SLC25A48: variants seen among roughly 807,000 people sequenced by gnomAD.
SLC25A48 encodes CTC-321K16.1.
In SLC25A48, 29 loss-of-function variants were observed where a neutral mutation model predicts 32.2. The ratio of observed to expected loss-of-function variants is 0.90; its 90% CI spans 0.67 to 1.23. SLC25A48 has a LOEUF of 1.23. Among genes scored for constraint, SLC25A48 ranks in the 50% most tolerant of loss-of-function variants. The pLI is 0.00. For synonymous variants in SLC25A48, 164 were observed against 172.3 expected (o/e 0.95, Z 0.38); for missense variants, 399 against 422.7 (o/e 0.94, Z 0.49).
intron 3 of SLC25A48, among the ~76,000 whole-genome samples, chr5:135,811,813 G>T (rs1433186855): frequency 2.6e-5 from 4 of 152,204 alleles, no homozygotes; most frequent in Non-Finnish European, 5.9e-5. Flanking sequence ...TAGGTGCAGT[G>T]GCTCATGCCT....
intron 3 of SLC25A48, among the ~76,000 whole-genome samples, chr5:135,717,505 A>G (rs1754832633): frequency 1.3e-5 from 2 of 152,236 alleles, no homozygotes; most frequent in Admixed American, 1.3e-4. Context: ...TGGAAATAAG[A>G]TCTTTGCAGA....
intron 2 of SLC25A48, among the ~76,000 whole-genome samples, chr5:135,632,569 T>C (rs1208472108): frequency 6.6e-6 from 1 of 152,190 alleles, no homozygotes; most frequent in East Asian, 1.9e-4. Flanking sequence ...TCTCTCATTC[T>C]TGGGAATGTC....
chr5:135,743,061 T>C (rs1580833126), intron 3 of SLC25A48, among the ~76,000 whole-genome samples: 2 of 45,314 alleles, frequency 4.4e-5, no homozygotes, highest in Non-Finnish European at 9.0e-5. Context: ...CTCCCCTCCC[T>C]TCCCTTCCCT....
intron 4 of SLC25A48, 21 bp downstream of exon 4, chr5:135,852,842 A>C: frequency 5.7e-6 from 9 of 1,590,728 alleles, no homozygotes; most frequent in Non-Finnish European, 7.7e-6. Context: ...AGGGGAGCGG[A>C]GGCTGGTGTC....
intron 3 of SLC25A48, among the ~76,000 whole-genome samples, chr5:135,779,373 C>T (rs1280292761): frequency 6.6e-6 from 1 of 151,414 alleles, no homozygotes; most frequent in South Asian, 2.1e-4. Flanking sequence ...GGGTGGATAC[C>T]CCCTGTGTGA....
intron 3 of SLC25A48, among the ~76,000 whole-genome samples, chr5:135,715,344 T>C (rs1170250846): frequency 6.6e-6 from 1 of 152,212 alleles, no homozygotes; most frequent in Non-Finnish European, 1.5e-5. Context: ...GGGGACTTCA[T>C]TCAGGTTTCT....
intron 3 of SLC25A48, among the ~76,000 whole-genome samples, chr5:135,800,927 G>T (rs1160545819): frequency 1.3e-5 from 2 of 150,802 alleles, no homozygotes; most frequent in African/African-American, 4.9e-5. Context: ...CTGTGATATG[G>T]TTCATAACAC....
rs73791060 is a variant in SLC25A48 at position 135,715,520 on chromosome 5, A to T, written c.-521+80564A>T. Among the ~76,000 whole-genome samples, 1,516 of 152,136 alleles carry T rather than the reference A, an allele frequency of 1.0e-2. 35 individuals are homozygous for T. The highest frequency in any genetic ancestry group is 0.034 in the African/African-American group (1,426 of 41,488). ...ATTGCCCCTTTGTGGGCTATTACAG[A>T]CACTTGTAGCTGCTGGGTGAAATGC... is the stretch of plus-strand genomic sequence containing the variant. On this transcript the variant is annotated intron_variant, in intron 3 of 10. Transcript: ENST00000646290.
intron 1 of SLC25A48, among the ~76,000 whole-genome samples, chr5:135,623,187 A>G (rs543610271): frequency 6.6e-6 from 1 of 152,348 alleles, no homozygotes; most frequent in South Asian, 2.1e-4. Flanking sequence ...ATTTTAGTAT[A>G]AAGACTCTAG....
At chr5:135,832,365 G>T (rs1243917606), upstream of SLC25A48, among the ~76,000 whole-genome samples, 1 of 152,212 alleles carries the variant, frequency 6.6e-6, no homozygotes, top group East Asian at 1.9e-4. Flanking sequence ...AGGGGAGCAG[G>T]CGGCATGGGC....
chr5:135,755,576 A>G (rs983767111), intron 3 of SLC25A48, among the ~76,000 whole-genome samples: 1 of 152,062 alleles, frequency 6.6e-6, no homozygotes, highest in African/African-American at 2.4e-5. Context: ...TTAATGAAAT[A>G]TCGCTGTGAT....
At chr5:135,740,122 G>A (rs1755466163) in intron 3 of SLC25A48, among the ~76,000 whole-genome samples, 1 of 152,158 alleles carries the variant, frequency 6.6e-6, no homozygotes, top group South Asian at 2.1e-4. Flanking sequence ...CAAATGGAAA[G>A]AGATTGCTAA....
chr5:135,618,561 C>A (rs7725762), intron 1 of SLC25A48, among the ~76,000 whole-genome samples: 63 of 151,806 alleles, frequency 4.2e-4, no homozygotes, highest in African/African-American at 1.4e-3. Flanking sequence ...TAAGTTTTTT[C>A]TTTTCTTTGT....
Position 135,721,876 on chromosome 5 carries a change from C to T in SLC25A48, c.-521+86920C>T, listed in dbSNP as rs368340030. ...GCCCAAGAAGGATGGGGTTGTGATG[C>T]CCTGGAATTCTTCTTTATTATAAGA... On this transcript the variant is annotated intron_variant, in intron 3 of 10. Transcript: ENST00000646290. 2.2e-4 allele frequency among the ~76,000 whole-genome samples: 33 copies of T among 152,310 alleles called. No individual in the cohort carries two copies. The South Asian group carries it at 6.8e-3, about 32-fold the overall frequency.
At chr5:135,692,158 A>G (rs1412437465) in intron 3 of SLC25A48, among the ~76,000 whole-genome samples, 5 of 152,172 alleles carry the variant, frequency 3.3e-5, no homozygotes, top group African/African-American at 1.2e-4. Context: ...TCTACTAAAA[A>G]TACAGAAAAA....
chr5:135,871,627 C>T lies in SLC25A48; in HGVS notation c.588C>T (p.Phe196=). Residue 196 remains phenylalanine (F), a synonymous_variant, in exon 5 of 8, where the codon TTC becomes TTT. Transcript: ENST00000681962. The part of the protein sequence containing the change: ...LRDVPGYCLY[F]IPYVFLSEWI... ...ATGTCCCAGGCTATTGCCTCTACTT[C>T]ATCCCCTACGTGTTCCTGAGTGAGT... The T allele has an allele frequency of 3.1e-6, 5 of 1,614,216 alleles. No homozygotes were observed. The East Asian group carries it at 1.1e-4, about 36-fold the overall frequency.
intron 3 of SLC25A48, among the ~76,000 whole-genome samples, chr5:135,769,421 G>C (rs1416878217): frequency 7.9e-5 from 12 of 151,156 alleles, no homozygotes; most frequent in Non-Finnish European, 3.0e-5. Context: ...TATCCAGTGG[G>C]GGAGAGAATG....
chr5:135,691,385 C>G (rs976057769), intron 3 of SLC25A48, among the ~76,000 whole-genome samples: 2 of 152,166 alleles, frequency 1.3e-5, no homozygotes, highest in African/African-American at 2.4e-5. Context: ...AACCCAGTCC[C>G]GTGCTCTGCC....
At chr5:135,732,853 G>A (rs895383182) in intron 3 of SLC25A48, among the ~76,000 whole-genome samples, 3 of 152,330 alleles carry the variant, frequency 2.0e-5, no homozygotes, top group South Asian at 4.1e-4. Context: ...AAGTTGGAAA[G>A]CTAGCTGCTT....
Sources: allele counts gnomAD v4.1 joint callset (sites outside exome capture counted in the v4.1 genomes callset), GRCh38; gene constraint gnomAD v4.1.1; transcripts MANE v1.5; gene names NCBI Gene and HGNC (gene_info 2026-07-23, HGNC 2026-07-21).